The following DCHS2 variants were observed in gnomAD, a reference collection of about 807,000 sequenced individuals.
DCHS2 encodes the protein dachsous cadherin-related 2.
A neutral mutation model predicts 182.4 loss-of-function variants in DCHS2; 142 were observed. The observed-to-expected ratio is 0.78, with a 90% CI of 0.68 to 0.89. DCHS2 has a LOEUF of 0.89. Ranked by LOEUF, DCHS2 falls within the 40% of genes least tolerant of loss-of-function variation. DCHS2 has a pLI of 0.00. For missense variants in DCHS2, 4,319 were observed against 4,198.6 expected, an observed-to-expected ratio of 1.03 and a Z score of -0.79; for synonymous variants, 1,740 against 1,663.3, an observed-to-expected ratio of 1.05 and a Z score of -1.12.
intron 1 of DCHS2, among the ~76,000 whole-genome samples, chr4:154,404,882 A>G (rs1732332748): frequency 6.6e-6 from 1 of 152,196 alleles, no homozygotes; most frequent in African/African-American, 2.4e-5. Context: ...CTAACCTGTC[A>G]TTCCCTGCTA....
At chr4:154,388,344 A>G (rs577793229) in intron 1 of DCHS2, among the ~76,000 whole-genome samples, 3 of 152,132 alleles carry the variant, frequency 2.0e-5, no homozygotes, top group Non-Finnish European at 4.4e-5. Flanking sequence ...TAAAAATTAC[A>G]TATAAAAATC....
chr4:154,372,367 C>T lies in DCHS2; in HGVS notation c.2244+4886G>A, dbSNP rs1211250900. 3.3e-5 allele frequency among the ~76,000 whole-genome samples: 5 copies of T among 152,326 alleles called. No individual in the cohort carries two copies. In the East Asian group the frequency reaches 9.6e-4, roughly 29 times the overall value. ...CAAGTTTACTTTTTGGGAGTAACTG[C>T]ATTGCACACAAACTATGAGCACAAC... On this transcript the variant is annotated intron_variant, in intron 2 of 19. Transcript: ENST00000357232.
intron 1 of DCHS2, among the ~76,000 whole-genome samples, chr4:154,460,882 A>T (rs929812321): frequency 6.6e-6 from 1 of 152,198 alleles, no homozygotes; most frequent in Non-Finnish European, 1.5e-5. Flanking sequence ...GCAGGGTAAA[A>T]TATCTACAGA....
At chr4:154,330,137 T>C (rs1192869860) in intron 5 of DCHS2, among the ~76,000 whole-genome samples, 1 of 152,248 alleles carries the variant, frequency 6.6e-6, no homozygotes. Context: ...ATGACTCCTC[T>C]GAGCCTGGGA....
rs140641059 is a variant in DCHS2 at position 154,426,004 on chromosome 4, G to T, written c.2053-48560C>A. Among the ~76,000 whole-genome samples, 394 of 152,154 alleles carry T rather than the reference G, an allele frequency of 2.6e-3. 5 individuals are homozygous for T. Among genetic ancestry groups the T allele is most frequent in the African/African-American group, 8.2e-3 (339 of 41,536 alleles). On this transcript the variant is annotated intron_variant, in intron 1 of 19. Coordinates refer to ENST00000357232, the MANE Select transcript of DCHS2 (RefSeq NM_001358235.2). The stretch of plus-strand genomic sequence containing the variant: ...TGGATCCCTGGGCCTTTCTTTGATC[G>T]CCCTCCCCTGCCCTATTTTTTGTTT...
At chr4:154,346,139 T>C (rs1433930543) in intron 3 of DCHS2, among the ~76,000 whole-genome samples, 2 of 152,190 alleles carry the variant, frequency 1.3e-5, no homozygotes, top group Non-Finnish European at 2.9e-5. Flanking sequence ...CCAAAGACCC[T>C]TTCTCCTAAT....
chr4:154,333,552 T>A lies in DCHS2; in HGVS notation c.2714-58A>T, dbSNP rs1028073873. 1.7e-5 allele frequency: 25 copies of A among 1,484,882 alleles called. 1 individual carries two copies. The highest frequency in any genetic ancestry group is 2.3e-5 in the Non-Finnish European group (25 of 1,106,156). 92.0% of individuals were successfully genotyped at this position (1,484,882 alleles called of 1,614,324 possible). On this transcript the variant is annotated intron_variant, in intron 4 of 19. Transcript: ENST00000357232. ...TCAAAAGGGTGGACCCACTGGAAAC[T>A]CAGAAATTGAAATGTTAATACAGTC... is the stretch of plus-strand genomic sequence containing the variant.
At chr4:154,268,721 C>A (rs538431878) in intron 14 of DCHS2, among the ~76,000 whole-genome samples, 1 of 152,198 alleles carries the variant, frequency 6.6e-6, no homozygotes, top group East Asian at 1.9e-4. Context: ...TTTCAACATA[C>A]CATCTGGCAG....
At chr4:154,467,733 A>G (rs570761954) in intron 1 of DCHS2, among the ~76,000 whole-genome samples, 2 of 152,296 alleles carry the variant, frequency 1.3e-5, no homozygotes, top group East Asian at 1.9e-4. Context: ...CCTAATGGCA[A>G]TTTTGAAGAA....
In DCHS2 at chr4:154,236,534, A is replaced by G; in HGVS notation, c.8118T>C (p.Ser2706=). 6.2e-7 allele frequency: 1 copy of G among 1,613,990 alleles called. No homozygotes were observed. Among genetic ancestry groups the G allele is most frequent in the Non-Finnish European group, 8.5e-7 (1 of 1,179,958 alleles). ...SHAEIIYNII[S]GNEKGHFYLE... is the part of the protein sequence containing the mutation. The stretch of plus-strand genomic sequence containing the variant: ...AGTAAAAATGTCCCTTCTCATTTCC[A>G]GAGATGATGTTGTAGATGATTTCTG... The change falls in exon 20 of 20, where the codon TCT becomes TCC. Residue 2706 remains serine, a synonymous_variant. Transcript: ENST00000357232.
At chr4:154,240,509 G>A in intron 18 of DCHS2, 28 bp downstream of exon 18, 1 of 1,602,458 alleles carries the variant, frequency 6.2e-7, no homozygotes, top group Non-Finnish European at 8.5e-7. Context: ...TTTTGGCTTT[G>A]GTTTCGGCAT....
chr4:154,249,256 A>G (rs1732232354), intron 16 of DCHS2, among the ~76,000 whole-genome samples: 1 of 152,180 alleles, frequency 6.6e-6, no homozygotes, highest in Non-Finnish European at 1.5e-5. Context: ...AAATAATCCC[A>G]TTAAAAATTG....
chr4:154,389,594 T>G (rs1014435462), intron 1 of DCHS2, among the ~76,000 whole-genome samples: 2 of 150,098 alleles, frequency 1.3e-5, no homozygotes, highest in East Asian at 3.9e-4. Context: ...TGAGTGAAAT[T>G]TTTATATCAT....
intron 1 of DCHS2, among the ~76,000 whole-genome samples, chr4:154,398,901 G>A (rs1337463215): frequency 6.6e-6 from 1 of 152,170 alleles, no homozygotes; most frequent in East Asian, 1.9e-4. Context: ...CATTGGCAGA[G>A]GCTTTAAAAG....
chr4:154,442,782 C>T (rs1208891099), intron 1 of DCHS2, among the ~76,000 whole-genome samples: 1 of 152,018 alleles, frequency 6.6e-6, no homozygotes, highest in Non-Finnish European at 1.5e-5. Context: ...CTGAGGATTC[C>T]CCACTTATTG....
At chr4:154,318,656 G>A (rs188819311) in intron 9 of DCHS2, among the ~76,000 whole-genome samples, 5 of 152,010 alleles carry the variant, frequency 3.3e-5, no homozygotes, top group Admixed American at 2.0e-4. Context: ...GAGGAGGTGA[G>A]TACCCTACAT....
intron 3 of DCHS2, among the ~76,000 whole-genome samples, chr4:154,341,180 A>G (rs1420469477): frequency 6.6e-6 from 1 of 152,056 alleles, no homozygotes; most frequent in Non-Finnish European, 1.5e-5. Context: ...CATCCTGGCT[A>G]ACACAGTGAA....
chr4:154,312,366 G>T (rs1463551890), intron 10 of DCHS2, among the ~76,000 whole-genome samples: 1 of 152,062 alleles, frequency 6.6e-6, no homozygotes, highest in Non-Finnish European at 1.5e-5. Flanking sequence ...GAATGACGGG[G>T]CACGTCAATG....
intron 1 of DCHS2, among the ~76,000 whole-genome samples, chr4:154,403,444 G>C (rs938770129): frequency 1.3e-5 from 2 of 151,872 alleles, no homozygotes; most frequent in East Asian, 3.9e-4. Flanking sequence ...TAGTAATGTG[G>C]CTAATTTACA....
Sources: allele counts gnomAD v4.1 joint callset (sites outside exome capture counted in the v4.1 genomes callset), GRCh38; gene constraint gnomAD v4.1.1; transcripts MANE v1.5; gene names NCBI Gene and HGNC (gene_info 2026-07-23, HGNC 2026-07-21).